Variants in TCF20 observed in about 807,000 individuals in gnomAD.
The protein encoded by TCF20 is SPRE-binding protein.
In TCF20, 3 loss-of-function variants were observed where a neutral mutation model predicts 148.6. The ratio of observed to expected loss-of-function variants is 0.02; its 90% CI spans 0.01 to 0.05. The LOEUF (loss-of-function observed/expected upper bound fraction) is 0.05, where lower values mean the gene tolerates loss of function less well. TCF20 is among the 10% of genes least tolerant of loss of function. The pLI, the probability that TCF20 is intolerant of heterozygous loss-of-function variation, is 1.00. For synonymous variants in TCF20, 1,049 were observed against 909.5 expected (o/e 1.15, Z -2.76); for missense variants, 2,350 against 2,429.3 (o/e 0.97, Z 0.69).
At chr22:42,255,798 C>T (rs1163554162) in intron 1 of TCF20, among the ~76,000 whole-genome samples, 5 of 152,068 alleles carry the variant, frequency 3.3e-5, no homozygotes, top group African/African-American at 7.3e-5. Flanking sequence ...GAACAACGCC[C>T]CCAACCATGT....
intron 1 of TCF20, among the ~76,000 whole-genome samples, chr22:42,315,563 GC>G (rs1439690368): frequency 6.6e-6 from 1 of 152,246 alleles, no homozygotes; most frequent in East Asian, 1.9e-4. Flanking sequence ...AAAGTCCTGG[GC>G]TGGCCATGGG....
chr22:42,205,912 C>A (rs1938354772), intron 2 of TCF20, among the ~76,000 whole-genome samples: 1 of 152,174 alleles, frequency 6.6e-6, no homozygotes, highest in Non-Finnish European at 1.5e-5. Context: ...GCTGGGATTA[C>A]AGGTGCCTGT....
chr22:42,213,813 C>T lies in TCF20; in HGVS notation c.1493G>A (p.Cys498Tyr), dbSNP rs1354138692. ...RPSSSKKADS[C>Y]TNSEGSSQPE... The stretch of plus-strand genomic sequence containing the variant: ...TTGTGAGGAGCCTTCAGAATTTGTG[C>T]AGCTATCTGCTTTCTTGGAAGATGA... Residue 498 changes from cysteine (C) to tyrosine (Y), a missense_variant, in exon 2 of 6, where the codon TGC (cysteine) becomes TAC (tyrosine). Around this residue, in one of 7 missense-constraint regions of TCF20, gnomAD observed 1,641 missense variants for 1,662.6 expected, o/e 0.99. Transcript: ENST00000677622. 1.9e-6 allele frequency: 3 copies of T among 1,614,038 alleles called. No individual in the cohort carries two copies. The highest frequency in any genetic ancestry group is 1.1e-5 in the South Asian group (1 of 91,088).
chr22:42,210,340 C>G lies in TCF20; in HGVS notation c.4966G>C (p.Glu1656Gln). 3 of 1,614,174 alleles carry G rather than the reference C, an allele frequency of 1.9e-6. No individual in the cohort carries two copies. Among genetic ancestry groups the G allele is most frequent in the Non-Finnish European group, 2.5e-6 (3 of 1,180,028 alleles). ...CTGCCCCTCACTAATTTGGTCTGTT[C>G]TTCTTCCTCAGCATTGATGATTGTA... ...VCTIINAEEE[E>Q]QTKLVRGRKG... Residue 1656 changes from glutamate to glutamine, a missense_variant, in exon 2 of 6, where the codon GAA becomes CAA. Around this residue, in one of 7 missense-constraint regions of TCF20, gnomAD observed 374 missense variants for 398.3 expected, o/e 0.94. Transcript: ENST00000677622. The surrounding 1 kb of genome is among the most constrained non-coding windows in gnomAD (Gnocchi z 4.7).
At position 42,270,563 on chromosome 22, in the gene TCF20, C is replaced by T. The variant is rs905946564; in HGVS notation, c.-261G>A. 4.8e-5 allele frequency among the ~76,000 whole-genome samples: 7 copies of T among 145,566 alleles called. No homozygotes were observed. The highest frequency in any genetic ancestry group is 2.1e-4 in the South Asian group (1 of 4,782). On this transcript the variant is annotated 5_prime_UTR_variant, in exon 1 of 6. Transcript: ENST00000677622. ...GTCAGGCGCGCCTCAGGGCGGGCTCCCCTGGCGGAGGCCGCGGCCGCCTCG... is the reference window on the plus strand; with the variant it reads ...GTCAGGCGCGCCTCAGGGCGGGCTCTCCTGGCGGAGGCCGCGGCCGCCTCG...
Position 42,299,259 on chromosome 22 carries a change from G to A in TCF20, c.-37+44220C>T, listed in dbSNP as rs572942686. Among the ~76,000 whole-genome samples the A allele has an allele frequency of 2.6e-4, 40 of 152,296 alleles. No individual in the cohort carries two copies. The highest frequency in any genetic ancestry group is 6.7e-4 in the African/African-American group (28 of 41,554). ...AGAGGACAATCACAGGGAGGACGGC[G>A]GCAAGGAGGTGAGGCCATGTCTGGC... On this transcript the variant is annotated intron_variant, in intron 1 of 1. Transcript: ENST00000515426. This position sits in a 1 kb window ranked among gnomAD's most constrained non-coding sequence, Gnocchi z 4.1.
At chr22:42,226,348 G>A (rs757382160) in intron 1 of TCF20, among the ~76,000 whole-genome samples, 3 of 152,228 alleles carry the variant, frequency 2.0e-5, no homozygotes, top group Non-Finnish European at 2.9e-5. Context: ...GAGGCAAAAG[G>A]GAGGTAATTA....
At chr22:42,272,939 A>G (rs1471415685), upstream of TCF20, among the ~76,000 whole-genome samples, 1 of 152,108 alleles carries the variant, frequency 6.6e-6, no homozygotes, top group African/African-American at 2.4e-5. Flanking sequence ...AGGTGTGAGG[A>G]TTGCTTGAGG....
chr22:42,279,433 C>G lies in TCF20; in HGVS notation c.-37+4394G>C, dbSNP rs1270758989. ...CAGAGGTTGCAGTGAGCAGAGATTG[C>G]GCCACTGCACTCCAGTCTGGGCAAC... On this transcript the variant is annotated intron_variant, in intron 1 of 5. Coordinates refer to the TCF20 transcript ENST00000359486. The surrounding 1 kb of genome is among the most constrained non-coding windows in gnomAD (Gnocchi z 4.3). 6.6e-6 allele frequency among the ~76,000 whole-genome samples: 1 copy of G among 152,054 alleles called. No homozygotes were observed. The highest frequency in any genetic ancestry group is 2.4e-5 in the African/African-American group (1 of 41,372).
At chr22:42,192,506 G>C (rs775217424) in intron 2 of TCF20, among the ~76,000 whole-genome samples, 1 of 152,182 alleles carries the variant, frequency 6.6e-6, no homozygotes, top group African/African-American at 2.4e-5. Context: ...TCCTGGAAGT[G>C]GCAAGTTTTT....
At chr22:42,321,358 G>C (rs1254744002) in intron 1 of TCF20, among the ~76,000 whole-genome samples, 1 of 152,186 alleles carries the variant, frequency 6.6e-6, no homozygotes, top group African/African-American at 2.4e-5. Flanking sequence ...GGCCAGCTCT[G>C]TGAGCTAGGC....
intron 1 of TCF20, among the ~76,000 whole-genome samples, chr22:42,252,609 C>A (rs1018042789): frequency 3.2e-4 from 49 of 152,188 alleles, no homozygotes; most frequent in African/African-American, 1.2e-3. Context: ...CACCACCATG[C>A]CCAGCTAATT....
chr22:42,341,117 G>A (rs554129464), intron 1 of TCF20, among the ~76,000 whole-genome samples: 23 of 152,246 alleles, frequency 1.5e-4, no homozygotes, highest in African/African-American at 4.8e-4. Context: ...GGAGGAGGCC[G>A]TGGCTCTCTG....
rs1339315726 is a variant in TCF20 at position 42,290,111 on chromosome 22, G to A, written c.-37+53368C>T. On this transcript the variant is annotated intron_variant, in intron 1 of 1. Coordinates refer to the TCF20 transcript ENST00000515426. The surrounding 1 kb of genome is among the most constrained non-coding windows in gnomAD (Gnocchi z 4.2). ...GCCGGCTGCTGCTTGGGGAGCGGGG[G>A]TCAGCCAGGGGGACAAGGGCCAGCA... Among the ~76,000 whole-genome samples the A allele has an allele frequency of 6.6e-6, 1 of 152,206 alleles. No individual in the cohort carries two copies. Among genetic ancestry groups the A allele is most frequent in the Non-Finnish European group, 1.5e-5 (1 of 68,032 alleles).
chr22:42,295,398 G>C (rs999272685), intron 1 of TCF20, among the ~76,000 whole-genome samples: 1 of 151,838 alleles, frequency 6.6e-6, no homozygotes, highest in South Asian at 2.1e-4. Context: ...CCTCTGCCCT[G>C]GCTGTCCCCC....
intron 1 of TCF20, among the ~76,000 whole-genome samples, chr22:42,251,329 G>A (rs1402353246): frequency 2.0e-5 from 3 of 151,846 alleles, no homozygotes; most frequent in African/African-American, 4.8e-5. Context: ...TGGACTATAG[G>A]TGCACGCTAG....
chr22:42,178,383 C>T (rs995653884), intron 3 of TCF20, among the ~76,000 whole-genome samples: 1 of 152,062 alleles, frequency 6.6e-6, no homozygotes, highest in Non-Finnish European at 1.5e-5. Flanking sequence ...AAGTGGGGAG[C>T]GGTCTTGTGG....
At chr22:42,331,263 C>T (rs577916805) in intron 1 of TCF20, among the ~76,000 whole-genome samples, 2 of 152,200 alleles carry the variant, frequency 1.3e-5, no homozygotes, top group Non-Finnish European at 2.9e-5. Context: ...CACGAGCCAC[C>T]GGGTGCTGCA....
intron 4 of TCF20, among the ~76,000 whole-genome samples, chr22:42,169,232 T>G (rs1417238567): frequency 6.6e-6 from 1 of 152,000 alleles, no homozygotes; most frequent in Non-Finnish European, 1.5e-5. Context: ...TCCTTCTCCA[T>G]ATACACCCTC....
Sources: allele counts gnomAD v4.1 joint callset (sites outside exome capture counted in the v4.1 genomes callset), GRCh38; gene constraint gnomAD v4.1.1; regional missense constraint gnomAD v4.1.1; non-coding constraint Gnocchi (gnomAD v3.1); transcripts MANE v1.5; gene names NCBI Gene and HGNC (gene_info 2026-07-23, HGNC 2026-07-21).